RAP1GDS1: variants seen among roughly 807,000 people sequenced by gnomAD.
RAP1GDS1 encodes the protein Rap1 GTPase-GDP dissociation stimulator 1, also known as RAP1, GTP-GDP dissociation stimulator 1.
In RAP1GDS1, 35 loss-of-function variants were observed where a neutral mutation model predicts 71.1. The observed-to-expected ratio is 0.49, with a 90% CI of 0.38 to 0.65. The LOEUF is 0.65. Among genes scored for constraint, RAP1GDS1 ranks in the 30% least tolerant of loss-of-function variants. The pLI is 0.00. For missense variants in RAP1GDS1, 663 were observed against 706.1 expected (o/e 0.94, Z 0.69); for synonymous variants, 229 against 243.1 (o/e 0.94, Z 0.54).
intron 3 of RAP1GDS1, among the ~76,000 whole-genome samples, chr4:98,347,430 A>G (rs1736449910): frequency 6.6e-6 from 1 of 152,204 alleles, no homozygotes. Flanking sequence ...GTGGAAATCA[A>G]CTTTTTATTT....
At chr4:98,300,385 G>C (rs1443572846) in intron 2 of RAP1GDS1, among the ~76,000 whole-genome samples, 2 of 151,792 alleles carry the variant, frequency 1.3e-5, no homozygotes, top group Admixed American at 1.3e-4. Context: ...GTAGACTACA[G>C]TATAGTGTAG....
At chr4:98,284,454 CCAAT>C (rs1441613252) in intron 1 of RAP1GDS1, among the ~76,000 whole-genome samples, 10 of 152,220 alleles carry the variant, frequency 6.6e-5, no homozygotes, top group Admixed American at 2.6e-4. Context: ...AGAGCTAAAA[CCAAT>C]CAAAGACTAT....
At chr4:98,434,317 C>T (rs1316123082) in intron 13 of RAP1GDS1, among the ~76,000 whole-genome samples, 1 of 152,122 alleles carries the variant, frequency 6.6e-6, no homozygotes, top group Non-Finnish European at 1.5e-5. Context: ...GTTACAGCCA[C>T]TTAGAGAATA....
chr4:98,360,964 T>C (rs1738654702), intron 4 of RAP1GDS1, among the ~76,000 whole-genome samples: 1 of 151,492 alleles, frequency 6.6e-6, no homozygotes, highest in Non-Finnish European at 1.5e-5. Flanking sequence ...GGCATATACC[T>C]GTAATTCCAG....
intron 7 of RAP1GDS1, among the ~76,000 whole-genome samples, chr4:98,415,815 A>G (rs528274993): frequency 2.3e-4 from 35 of 152,336 alleles, no homozygotes; most frequent in African/African-American, 7.9e-4. Flanking sequence ...TTTGAAATGT[A>G]TTCAGAAATA....
chr4:98,332,991 A>G (rs181481822), intron 2 of RAP1GDS1, among the ~76,000 whole-genome samples: 138 of 152,232 alleles, frequency 9.1e-4, no homozygotes, highest in Admixed American at 2.0e-3. Context: ...GTTTTGTCCT[A>G]TATGTCCTCT....
chr4:98,267,729 T>A (rs10026222), intron 1 of RAP1GDS1, among the ~76,000 whole-genome samples: 6,319 of 152,282 alleles, frequency 0.041, 307 homozygotes, highest in African/African-American at 0.12. Context: ...TGTCACATTT[T>A]CTTTATCCAA....
At chr4:98,431,983 G>A (rs531988657) in intron 12 of RAP1GDS1, among the ~76,000 whole-genome samples, 1 of 151,990 alleles carries the variant, frequency 6.6e-6, no homozygotes, top group Non-Finnish European at 1.5e-5. Context: ...TGCACAACGT[G>A]CAGATTTGTT....
At chr4:98,332,506 A>C (rs1734147500) in intron 2 of RAP1GDS1, among the ~76,000 whole-genome samples, 1 of 152,206 alleles carries the variant, frequency 6.6e-6, no homozygotes, top group Non-Finnish European at 1.5e-5. Context: ...GCTAAACAAA[A>C]AGATGTATTT....
intron 4 of RAP1GDS1, among the ~76,000 whole-genome samples, chr4:98,374,205 TGTTTA>T (rs964144979): frequency 2.0e-5 from 3 of 152,128 alleles, no homozygotes; most frequent in African/African-American, 7.2e-5. Context: ...CACTCCCACT[TGTTTA>T]GTTTGTTCAT....
intron 1 of RAP1GDS1, among the ~76,000 whole-genome samples, chr4:98,265,918 G>A (rs531135006): frequency 1.3e-4 from 20 of 152,202 alleles, no homozygotes; most frequent in African/African-American, 2.2e-4. Context: ...AAGAGGTTTA[G>A]TAGATATGGA....
At chr4:98,381,034 AAAG>A (rs1215818969) in intron 5 of RAP1GDS1, among the ~76,000 whole-genome samples, 1 of 151,670 alleles carries the variant, frequency 6.6e-6, no homozygotes, top group Non-Finnish European at 1.5e-5. Flanking sequence ...GTGTTCTGAG[AAAG>A]AAGATTATAA....
chr4:98,396,814 T>C (rs1443003825), intron 6 of RAP1GDS1: 1 of 152,216 alleles, frequency 6.6e-6, no homozygotes, highest in Non-Finnish European at 1.5e-5. Context: ...ATCAAGTGTT[T>C]AAAATTCATG....
chr4:98,352,363 AGGTGGCTTTT>A, intron 3 of RAP1GDS1, 103 bp from the exon 4 acceptor site: 2 of 1,121,630 alleles, frequency 1.8e-6, no homozygotes, highest in Non-Finnish European at 2.5e-6. Context: ...CACCTTTTCA[AGGTGGCTTTT>A]AAATACCACA....
At chr4:98,351,700 G>GA (rs144276909) in intron 3 of RAP1GDS1, among the ~76,000 whole-genome samples, 135 of 138,778 alleles carry the variant, frequency 9.7e-4, no homozygotes, top group East Asian at 1.2e-3. Context: ...ATGAGACACT[G>GA]AAAAAAAAAA....
intron 1 of RAP1GDS1, among the ~76,000 whole-genome samples, chr4:98,267,443 A>G (rs1415163735): frequency 6.6e-6 from 1 of 152,146 alleles, no homozygotes; most frequent in Non-Finnish European, 1.5e-5. Flanking sequence ...CCCATCACCC[A>G]GGTAGTGTGC....
chr4:98,361,888 G>T (rs763797489), intron 4 of RAP1GDS1, among the ~76,000 whole-genome samples: 2 of 152,134 alleles, frequency 1.3e-5, no homozygotes, highest in Non-Finnish European at 2.9e-5. Flanking sequence ...AACAGTCATG[G>T]TGGCTTTTTC....
chr4:98,277,513 T>G (rs1416065812), intron 1 of RAP1GDS1, among the ~76,000 whole-genome samples: 1 of 152,208 alleles, frequency 6.6e-6, no homozygotes, highest in Admixed American at 6.5e-5. Context: ...AACACCAGTA[T>G]ATCTTTGATT....
intron 3 of RAP1GDS1, among the ~76,000 whole-genome samples, chr4:98,344,206 A>G (rs1735913775): frequency 6.6e-6 from 1 of 152,104 alleles, no homozygotes; most frequent in South Asian, 2.1e-4. Flanking sequence ...TTGGTATATG[A>G]TTTTTTGGTG....
Sources: allele counts gnomAD v4.1 joint callset (sites outside exome capture counted in the v4.1 genomes callset), GRCh38; gene constraint gnomAD v4.1.1; transcripts MANE v1.5; gene names NCBI Gene and HGNC (gene_info 2026-07-23, HGNC 2026-07-21).